The following BAIAP3 variants were observed in gnomAD, a reference collection of about 807,000 sequenced individuals.
BAIAP3 encodes the protein BAI1 associated protein 3.
A neutral mutation model predicts 149.7 loss-of-function variants in BAIAP3; 180 were observed. That is an observed-to-expected ratio of 1.20 (90% CI 1.07 to 1.36). BAIAP3 has a LOEUF of 1.36. BAIAP3 is among the 40% of genes most tolerant of loss of function. The probability of loss-of-function intolerance (pLI) is 0.00; values close to 1 mark genes in which losing one functional copy is unlikely to be tolerated. For missense variants in BAIAP3, 1,767 were observed against 1,563.4 expected (o/e 1.13, Z -2.20); for synonymous variants, 845 against 670.7 (o/e 1.26, Z -4.02).
Position 1,345,059 on chromosome 16 carries a change from C to T in BAIAP3, c.1900C>T (p.Leu634=), listed in dbSNP as rs750750226. The T allele has an allele frequency of 6.8e-6, 11 of 1,612,406 alleles. No homozygotes were observed. In the East Asian group the frequency reaches 1.3e-4, roughly 20 times the overall value. The change falls in exon 21 of 34, where the codon CTG becomes TTG. Residue 634 remains leucine (L), a synonymous_variant. Coordinates refer to ENST00000426824, the MANE Select transcript of BAIAP3 (RefSeq NM_001199097.2). ...ASGLFELYLT[L]ADLQRFWDSI... ...GGGGCTCTTTGAGCTCTACCTGACC[C>T]TGGCTGACCTCCAGCGCTTCTGGGA...
At chr16:1,340,434 G>GAC (rs1365627632) in intron 5 of BAIAP3, among the ~76,000 whole-genome samples, 1 of 55,362 alleles carries the variant, frequency 1.8e-5, no homozygotes, top group Non-Finnish European at 4.7e-5. Context: ...GGTGTACACA[G>GAC]ACATGCACAC....
intron 7 of BAIAP3, 39 bp from the exon 8 acceptor site, chr16:1,341,255 A>G (rs749009798): frequency 1.2e-6 from 2 of 1,606,492 alleles, no homozygotes; most frequent in Non-Finnish European, 1.7e-6. Context: ...GGAGGGCCAG[A>G]GGGCGTGGGG....
chr16:1,346,839 C>T lies in BAIAP3; in HGVS notation c.2643-8C>T, dbSNP rs2034408997. On this transcript the variant is annotated splice_polypyrimidine_tract_variant and splice_region_variant and intron_variant, in intron 27 of 33. Transcript: ENST00000426824. ...GGCTGGCCCGTGGTCACTGATGCTG[C>T]CCTGCAGGGTGCTGGAGGCCCTGTG... The T allele has an allele frequency of 2.5e-6, 4 of 1,587,582 alleles. No individual in the cohort carries two copies. The highest frequency in any genetic ancestry group is 1.1e-5 in the South Asian group (1 of 88,090).
At chr16:1,342,863 G>A in intron 13 of BAIAP3, 49 bp downstream of exon 13, 1 of 1,612,208 alleles carries the variant, frequency 6.2e-7, no homozygotes, top group Non-Finnish European at 8.5e-7. Flanking sequence ...GGCCTGAGGA[G>A]GGGATGTGGG....
At position 1,345,853 on chromosome 16, in the gene BAIAP3, C is replaced by A; in HGVS notation, c.2171C>A (p.Pro724His). 1 of 1,579,804 alleles carries A rather than the reference C, an allele frequency of 6.3e-7. No homozygotes were observed. The highest frequency in any genetic ancestry group is 8.6e-7 in the Non-Finnish European group (1 of 1,164,574). Reference sequence around the variant, plus strand: ...TGGGTGCGCCTGGCGTGGCCTGACCCTGCCCAGGCTCAGGGGCTGGGCACC... The same window carrying A: ...TGGGTGCGCCTGGCGTGGCCTGACCATGCCCAGGCTCAGGGGCTGGGCACC... ...ELWVRLAWPD[P>H]AQAQGLGTQL... The change falls in exon 23 of 34, where the codon CCT becomes CAT. Residue 724 changes from proline (P) to histidine (H), a missense_variant. Transcript: ENST00000426824.
rs1389517361 is a variant in BAIAP3 at position 1,343,432 on chromosome 16, G to A, written c.1305G>A (p.Thr435=). 3 of 1,580,268 alleles carry A rather than the reference G, an allele frequency of 1.9e-6. No individual in the cohort carries two copies. Among genetic ancestry groups the A allele is most frequent in the Admixed American group, 1.8e-5 (1 of 54,832 alleles). The change falls in exon 15 of 34, where the codon ACG becomes ACA. Residue 435 remains threonine, a synonymous_variant. Coordinates refer to ENST00000426824, the MANE Select transcript of BAIAP3 (RefSeq NM_001199097.2). ...QVSSRHHQTC[T]LDYSYLLGLL... is the part of the protein sequence containing the mutation. Reference sequence around the variant, plus strand: ...GCAGCCGCCACCATCAAACCTGCACGCTGGACTACAGCTACCTGCTGGGGC... The same window carrying A: ...GCAGCCGCCACCATCAAACCTGCACACTGGACTACAGCTACCTGCTGGGGC...
In BAIAP3 at chr16:1,345,953, C is replaced by T. The variant is rs369106690; in HGVS notation, c.2209-33C>T. On this transcript the variant is annotated intron_variant, in intron 23 of 33. Transcript: ENST00000426824. ...GGAGAGGAGATGGGGCAGGGGAGGG[C>T]TCCATGGCTCCCCACCGCCATCCCC... 1.0e-3 allele frequency: 1,635 copies of T among 1,589,022 alleles called. 2 individuals carry two copies. The highest frequency in any genetic ancestry group is 1.7e-3 in the Middle Eastern group (10 of 5,976).
intron 12 of BAIAP3, 29 bp downstream of exon 12, chr16:1,342,663 AC>A: frequency 1.2e-6 from 2 of 1,607,726 alleles, no homozygotes; most frequent in Non-Finnish European, 1.7e-6. Context: ...CCCGTCCTCC[AC>A]CCCCGTCCTT....
chr16:1,347,839 C>A lies in BAIAP3; in HGVS notation c.3025+18C>A. 1 of 1,551,482 alleles carries A rather than the reference C, an allele frequency of 6.4e-7. No individual in the cohort carries two copies. Among genetic ancestry groups the A allele is most frequent in the South Asian group, 1.1e-5 (1 of 89,730 alleles). ...CGCCAACGGTGAGTTGCAGCGGGGA[C>A]GGGTCGGGTGGTGGTGGGATGGGGG... On this transcript the variant is annotated intron_variant, in intron 31 of 33. Transcript: ENST00000426824.
Position 1,345,064 on chromosome 16 carries a change from T to C in BAIAP3, c.1905T>C (p.Ala635=). ...SGLFELYLTL[A]DLQRFWDSIP... ...TCTTTGAGCTCTACCTGACCCTGGC[T>C]GACCTCCAGCGCTTCTGGGATAGCA... Residue 635 remains alanine, a synonymous_variant, in exon 21 of 34, where the codon GCT becomes GCC. Transcript: ENST00000426824. 1 of 1,612,528 alleles carries C rather than the reference T, an allele frequency of 6.2e-7. No homozygotes were observed.
Position 1,347,601 on chromosome 16 carries a change from G to T in BAIAP3, c.2880G>T (p.Gln960His). Residue 960 changes from glutamine (Q) to histidine (H), a missense_variant, in exon 30 of 34, where the codon CAG becomes CAT. Physicochemically the swap from Gln to His is conservative, Grantham distance 24. Coordinates refer to ENST00000426824, the MANE Select transcript of BAIAP3 (RefSeq NM_001199097.2). ...GTTCCACCCGCGAGTGCATCGAGCA[G>T]TTCTACCTGGACAAGCTCAAACAGG... Reference protein sequence around the residue: ...HKCSTRECIEQFYLDKLKQRT... With the variant: ...HKCSTRECIEHFYLDKLKQRT... 6.2e-7 allele frequency: 1 copy of T among 1,613,062 alleles called. No homozygotes were observed. Among genetic ancestry groups the T allele is most frequent in the Non-Finnish European group, 8.5e-7 (1 of 1,179,962 alleles).
At chr16:1,335,935 C>T (rs2033422302) in intron 1 of BAIAP3, among the ~76,000 whole-genome samples, 1 of 152,174 alleles carries the variant, frequency 6.6e-6, no homozygotes, top group Admixed American at 6.5e-5. Context: ...ATCTGAGATG[C>T]AGGGAGCAAA....
chr16:1,348,883 AT>A lies in BAIAP3; in HGVS notation c.*406del. ...TGCACAACGGGCAATGTGCAGACGC[AT>A]TTTTGGTAATCACAGCTGGGGAGTG... On this transcript the variant is annotated 3_prime_UTR_variant, in exon 34 of 34. Transcript: ENST00000426824. 3.4e-6 allele frequency: 1 copy of A among 295,550 alleles called. No individual in the cohort carries two copies. The highest frequency in any genetic ancestry group is 6.4e-6 in the Non-Finnish European group (1 of 155,176). The allele number at this position is 295,550 out of a possible 1,614,324, so 18.3% of individuals were successfully genotyped here.
chr16:1,346,812 G>A lies in BAIAP3; in HGVS notation c.2643-35G>A, dbSNP rs1248451854. Reference sequence around the variant, plus strand: ...TGCAGGTGGGGCCAGCGGGGCAGGTGGGGCTGGCCCGTGGTCACTGATGCT... The same window carrying A: ...TGCAGGTGGGGCCAGCGGGGCAGGTAGGGCTGGCCCGTGGTCACTGATGCT... On this transcript the variant is annotated intron_variant, in intron 27 of 33. Transcript: ENST00000426824. 10 of 1,104,756 alleles carry A rather than the reference G, an allele frequency of 9.1e-6. No homozygotes were observed. The Admixed American group carries it at 2.2e-4, about 24-fold the overall frequency. The allele number at this position is 1,104,756 out of a possible 1,614,324, so 68.4% of individuals were successfully genotyped here.
rs2034148109 is a variant in BAIAP3 at position 1,344,231 on chromosome 16, C to T, written c.1516C>T (p.Leu506=). Reference sequence around the variant, plus strand: ...CAGCGTGCTGCCCCCACCCAGGTGTCTGGGCAAGCTGCAGCTCTTCCAACC... The same window carrying T: ...CAGCGTGCTGCCCCCACCCAGGTGTTTGGGCAAGCTGCAGCTCTTCCAACC... ...VHRLELLLKC[L]GKLQLFQPSF... The change falls in exon 17 of 34, where the codon CTG becomes TTG. Residue 506 remains leucine (L), a synonymous_variant. Transcript: ENST00000426824. 1.2e-6 allele frequency: 2 copies of T among 1,613,462 alleles called. No homozygotes were observed. Among genetic ancestry groups the T allele is most frequent in the Non-Finnish European group, 8.5e-7 (1 of 1,179,944 alleles).
In BAIAP3 at chr16:1,344,840, G is replaced by A. The variant is rs370897482; in HGVS notation, c.1800G>A (p.Leu600=). ...VDVFTLTFRQ[L]ERLVAEEAWV... is the part of the protein sequence containing the mutation. ...TCTTCACCCTGACCTTCCGGCAGCT[G>A]GAGCGTCTGGTGAGGAGGGTCCCTG... The change falls in exon 20 of 34, where the codon CTG becomes CTA. Residue 600 remains leucine, a synonymous_variant. Coordinates refer to ENST00000426824, the MANE Select transcript of BAIAP3 (RefSeq NM_001199097.2). The A allele has an allele frequency of 6.2e-7, 1 of 1,613,666 alleles. No individual in the cohort carries two copies. Among genetic ancestry groups the A allele is most frequent in the African/African-American group, 1.3e-5 (1 of 74,944 alleles).
intron 21 of BAIAP3, 29 bp from the exon 22 acceptor site, chr16:1,345,220 G>GC (rs2034231637): frequency 1.9e-6 from 3 of 1,611,460 alleles, no homozygotes; most frequent in Non-Finnish European, 2.5e-6. Context: ...CTGAGTCAGG[G>GC]CCGAGCCCTC....
intron 4 of BAIAP3, 41 bp downstream of exon 4, chr16:1,339,285 G>A (rs376349828): frequency 3.2e-5 from 50 of 1,545,066 alleles, no homozygotes; most frequent in East Asian, 1.7e-4. Flanking sequence ...CGTCTGCAGC[G>A]GCTGCTCCCT....
chr16:1,340,645 C>T (rs1007348453), intron 5 of BAIAP3, among the ~76,000 whole-genome samples: 5 of 152,196 alleles, frequency 3.3e-5, no homozygotes, highest in South Asian at 2.1e-4. Context: ...AGGACGCTCC[C>T]GGCTTCCACC....
Sources: allele counts gnomAD v4.1 joint callset (sites outside exome capture counted in the v4.1 genomes callset), GRCh38; gene constraint gnomAD v4.1.1; transcripts MANE v1.5; gene names NCBI Gene and HGNC (gene_info 2026-07-23, HGNC 2026-07-21).